CSRNP3: variants seen among roughly 807,000 people sequenced by gnomAD.
CSRNP3 encodes the protein cysteine/serine-rich nuclear protein 3.
A neutral mutation model predicts 48.0 loss-of-function variants in CSRNP3; 12 were observed. The observed-to-expected ratio is 0.25, with a 90% CI of 0.16 to 0.41. The LOEUF (loss-of-function observed/expected upper bound fraction) is 0.41, where lower values mean the gene tolerates loss of function less well. CSRNP3 is among the 10% of genes least tolerant of loss of function. The probability of loss-of-function intolerance (pLI) is 1.00; values close to 1 mark genes in which losing one functional copy is unlikely to be tolerated. For synonymous variants in CSRNP3, 263 were observed against 269.7 expected, an observed-to-expected ratio of 0.98 and a Z score of 0.24; for missense variants, 580 against 724.4, an observed-to-expected ratio of 0.80 and a Z score of 2.29.
At chr2:165,475,444 G>A (rs1263534003) in intron 1 of CSRNP3, among the ~76,000 whole-genome samples, 2 of 152,158 alleles carry the variant, frequency 1.3e-5, no homozygotes, top group African/African-American at 4.8e-5. Context: ...GAGAGAAGCC[G>A]TGGGCCTGTC....
intron 1 of CSRNP3, among the ~76,000 whole-genome samples, chr2:165,472,357 G>A (rs926764723): frequency 2.0e-5 from 3 of 151,802 alleles, no homozygotes; most frequent in African/African-American, 7.3e-5. Flanking sequence ...AAAGCTATTT[G>A]TGTTAATGTT....
At chr2:165,642,624 G>A (rs912864774) in intron 4 of CSRNP3, among the ~76,000 whole-genome samples, 4 of 149,890 alleles carry the variant, frequency 2.7e-5, no homozygotes, top group Non-Finnish European at 4.4e-5. Context: ...GTGCAATGGT[G>A]TGATCTCAGC....
Position 165,676,595 on chromosome 2 carries a change from G to A in CSRNP3, c.692G>A (p.Gly231Asp). The change falls in exon 6 of 7, where the codon GGC becomes GAC. Residue 231 changes from glycine (G) to aspartate (D), a missense_variant. Transcript: ENST00000651982. ...GACACGTGCACCTGCAGCCTGGCTG[G>A]CATTAAGTGCCAGGTAAGGGTTGGG... is the stretch of plus-strand genomic sequence containing the variant. ...DPDTCTCSLA[G>D]IKCQVDRMSF... 1.9e-6 allele frequency: 3 copies of A among 1,612,420 alleles called. No individual in the cohort carries two copies. Among genetic ancestry groups the A allele is most frequent in the Middle Eastern group, 3.3e-4 (2 of 6,042 alleles).
chr2:165,553,792 T>G (rs1574834859), intron 3 of CSRNP3, among the ~76,000 whole-genome samples: 1 of 152,180 alleles, frequency 6.6e-6, no homozygotes, highest in Non-Finnish European at 1.5e-5. Flanking sequence ...CCAAAGACAC[T>G]GCAGCAGATG....
In CSRNP3 at chr2:165,678,684, G is replaced by T; in HGVS notation, c.706-17G>T. The T allele has an allele frequency of 6.2e-7, 1 of 1,608,444 alleles. No homozygotes were observed. The highest frequency in any genetic ancestry group is 8.5e-7 in the Non-Finnish European group (1 of 1,176,840). Reference sequence around the variant, plus strand: ...TGTAATAGTTCCATGGTGCTAATCTGTGTTCTTCCTTCCAAGGTGGATCGT... The same window carrying T: ...TGTAATAGTTCCATGGTGCTAATCTTTGTTCTTCCTTCCAAGGTGGATCGT... On this transcript the variant is annotated splice_polypyrimidine_tract_variant and intron_variant, in intron 6 of 6. Coordinates refer to ENST00000651982, the MANE Select transcript of CSRNP3 (RefSeq NM_001172173.2).
intron 4 of CSRNP3, among the ~76,000 whole-genome samples, chr2:165,609,128 C>T (rs1686086792): frequency 7.3e-6 from 1 of 137,784 alleles, no homozygotes; most frequent in Non-Finnish European, 1.6e-5. Flanking sequence ...AAAGTAGTGT[C>T]TGGAGTCAGA....
intron 4 of CSRNP3, among the ~76,000 whole-genome samples, chr2:165,641,431 C>T (rs539485497): frequency 6.6e-6 from 1 of 152,178 alleles, no homozygotes; most frequent in African/African-American, 2.4e-5. Flanking sequence ...CAGTAATAGT[C>T]CTTTAACTCT....
intron 3 of CSRNP3, among the ~76,000 whole-genome samples, chr2:165,574,741 C>A (rs376167956): frequency 2.0e-4 from 30 of 151,978 alleles, no homozygotes; most frequent in African/African-American, 7.0e-4. Context: ...AGGCTTACAA[C>A]TTTTAGAGGA....
Position 165,683,850 on chromosome 2 carries a change from C to T in CSRNP3, c.*4097C>T, listed in dbSNP as rs957688878. The T allele has an allele frequency of 2.0e-5, 3 of 152,166 alleles. No individual in the cohort carries two copies. In the East Asian group the frequency reaches 5.8e-4, roughly 29 times the overall value. The allele number at this position is 152,166 out of a possible 1,614,324, so 9.4% of individuals were successfully genotyped here. A position where few individuals can be genotyped will look rare whatever the true frequency, so the allele number is the denominator to read the frequency against. ...TTCTTGTCTAATTATATGTGAGCTG[C>T]AACTAAAAGATGCTTCCTTTACCTA... On this transcript the variant is annotated 3_prime_UTR_variant, in exon 7 of 7. Transcript: ENST00000651982.
Position 165,519,341 on chromosome 2 carries a change from A to G in CSRNP3, c.-24+1380A>G, listed in dbSNP as rs78404305. Among the ~76,000 whole-genome samples, 1,238 of 152,156 alleles carry G rather than the reference A, an allele frequency of 8.1e-3. 15 individuals carry two copies. The highest frequency in any genetic ancestry group is 0.029 in the African/African-American group (1,186 of 41,546). ...ATCAGAGAATTAAATCGTCTCCCCA[A>G]TGACCTAGAAAGACTTGTAGGTTTG... On this transcript the variant is annotated intron_variant, in intron 3 of 6. Coordinates refer to ENST00000651982, the MANE Select transcript of CSRNP3 (RefSeq NM_001172173.2).
intron 3 of CSRNP3, among the ~76,000 whole-genome samples, chr2:165,580,699 T>G (rs1418126790): frequency 6.6e-6 from 1 of 152,228 alleles, no homozygotes; most frequent in Non-Finnish European, 1.5e-5. Flanking sequence ...TATCATTATC[T>G]TAAATAGCCT....
intron 4 of CSRNP3, among the ~76,000 whole-genome samples, chr2:165,656,809 A>T (rs1330860719): frequency 6.6e-6 from 1 of 152,162 alleles, no homozygotes; most frequent in Admixed American, 6.6e-5. Context: ...CTCCACATAG[A>T]AATAAGATCC....
At chr2:165,635,366 C>T (rs149301132) in intron 4 of CSRNP3, among the ~76,000 whole-genome samples, 5 of 152,316 alleles carry the variant, frequency 3.3e-5, no homozygotes, top group Middle Eastern at 3.4e-3. Flanking sequence ...AGCCTGCCTC[C>T]ATTTTACTCC....
At chr2:165,521,295 G>T (rs1684659215) in intron 3 of CSRNP3, among the ~76,000 whole-genome samples, 1 of 152,144 alleles carries the variant, frequency 6.6e-6, no homozygotes, top group Admixed American at 6.6e-5. Flanking sequence ...CCAATATTGA[G>T]CTTTGTTGTA....
At chr2:165,473,085 C>A (rs1301232042) in intron 1 of CSRNP3, among the ~76,000 whole-genome samples, 3 of 152,062 alleles carry the variant, frequency 2.0e-5, no homozygotes, top group Non-Finnish European at 4.4e-5. Context: ...ATTTAAGGCA[C>A]AACCAAAATT....
chr2:165,568,268 C>G (rs1441759876), intron 3 of CSRNP3, among the ~76,000 whole-genome samples: 1 of 152,052 alleles, frequency 6.6e-6, no homozygotes, highest in Non-Finnish European at 1.5e-5. Flanking sequence ...TACCTCTTAT[C>G]TTATCCCCTG....
chr2:165,576,542 T>TA (rs1485110360), intron 3 of CSRNP3, among the ~76,000 whole-genome samples: 5 of 151,978 alleles, frequency 3.3e-5, no homozygotes, highest in Non-Finnish European at 7.4e-5. Flanking sequence ...AAATGTGAAA[T>TA]AAAGAGAATT....
chr2:165,470,543 G>A (rs1319241741), intron 1 of CSRNP3, among the ~76,000 whole-genome samples: 1 of 151,948 alleles, frequency 6.6e-6, no homozygotes, highest in Non-Finnish European at 1.5e-5. Flanking sequence ...TTCCATCAGA[G>A]CATTTATATT....
At position 165,613,992 on chromosome 2, in the gene CSRNP3, A is replaced by G. The variant is rs145416118; in HGVS notation, c.148+18779A>G. Among the ~76,000 whole-genome samples the G allele has an allele frequency of 7.8e-4, 118 of 151,938 alleles. No individual in the cohort carries two copies. In the East Asian group the frequency reaches 0.014, roughly 18 times the overall value. On this transcript the variant is annotated intron_variant, in intron 4 of 6. Transcript: ENST00000651982. ...AGATTTGTAAATTGCTTTGAGTAGT[A>G]TGGTCGTTTTAACAATATGAATTCT...
Sources: allele counts gnomAD v4.1 joint callset (sites outside exome capture counted in the v4.1 genomes callset), GRCh38; gene constraint gnomAD v4.1.1; transcripts MANE v1.5; gene names NCBI Gene and HGNC (gene_info 2026-07-23, HGNC 2026-07-21).